The following AMMECR1 variants were observed in gnomAD, a reference collection of about 807,000 sequenced individuals.
The protein encoded by AMMECR1 is nuclear protein AMMECR1.
Under a neutral mutation model 22.5 loss-of-function variants are expected in AMMECR1, and 3 were observed. The observed-to-expected ratio is 0.13, with a 90% CI of 0.06 to 0.35. The LOEUF (loss-of-function observed/expected upper bound fraction) is 0.35, where lower values mean the gene tolerates loss of function less well. Among genes scored for constraint, AMMECR1 ranks in the 10% least tolerant of loss-of-function variants. The probability of loss-of-function intolerance (pLI) is 1.00; values close to 1 mark genes in which losing one functional copy is unlikely to be tolerated. For synonymous variants in AMMECR1, 130 were observed against 116.7 expected (o/e 1.11, Z -0.74); for missense variants, 235 against 278.7 (o/e 0.84, Z 1.12).
chrX:110,412,009 A>C (rs2148310216), intron 2 of AMMECR1, among the ~76,000 whole-genome samples: 1 of 113,155 alleles, frequency 8.8e-6, no homozygotes, highest in African/African-American at 3.2e-5. Context: ...CTCAAAGAAT[A>C]ATGAACAGGC....
intron 2 of AMMECR1, among the ~76,000 whole-genome samples, chrX:110,368,847 G>C (rs1430900926): frequency 9.0e-6 from 1 of 111,344 alleles, no homozygotes; most frequent in Non-Finnish European, 1.9e-5. Flanking sequence ...AAGTGCAATA[G>C]GAATTCCAAG....
intron 2 of AMMECR1, among the ~76,000 whole-genome samples, chrX:110,338,477 G>A (rs1311766198): frequency 8.9e-6 from 1 of 111,998 alleles, no homozygotes; most frequent in Non-Finnish European, 1.9e-5. Flanking sequence ...TAACACAAAG[G>A]TGAAGCTCAG....
intron 2 of AMMECR1, among the ~76,000 whole-genome samples, chrX:110,235,179 C>T (rs1479762138): frequency 8.9e-6 from 1 of 112,123 alleles, no homozygotes; most frequent in Non-Finnish European, 1.9e-5. Flanking sequence ...AGGATATGAA[C>T]AGACACTTCT....
At chrX:110,388,216 C>T (rs1376918066) in intron 2 of AMMECR1, among the ~76,000 whole-genome samples, 3 of 111,533 alleles carry the variant, frequency 2.7e-5, no homozygotes, top group African/African-American at 9.8e-5. Flanking sequence ...TGCAAAGGGG[C>T]CCACATCAAG....
rs192273628 is a variant in AMMECR1, at chrX:110,375,926, C to T, written c.-148+50732G>A. Among the ~76,000 whole-genome samples, 496 of 111,371 alleles carry T rather than the reference C, an allele frequency of 4.5e-3. 3 individuals carry two copies. The highest frequency in any genetic ancestry group is 0.016 in the African/African-American group (484 of 30,654). On this transcript the variant is annotated intron_variant, in intron 2 of 7. Coordinates refer to the AMMECR1 transcript ENST00000372057. ...CTTATGGTAGGGCTAATATTGATGT[C>T]AGTTATAGTTAGCATTCATTGACTA...
chrX:110,294,594 T>C (rs2067925607), intron 1 of AMMECR1, among the ~76,000 whole-genome samples: 2 of 111,875 alleles, frequency 1.8e-5, no homozygotes, highest in Non-Finnish European at 3.8e-5. Context: ...TTGAGAGCTT[T>C]TATTCATTTG....
chrX:110,303,587 T>C lies in AMMECR1; in HGVS notation c.473+14012A>G, dbSNP rs188145837. 3.7e-3 allele frequency among the ~76,000 whole-genome samples: 413 copies of C among 112,269 alleles called. 2 individuals carry two copies. Among genetic ancestry groups the C allele is most frequent in the African/African-American group, 0.013 (398 of 30,868 alleles). On this transcript the variant is annotated intron_variant, in intron 1 of 5. Transcript: ENST00000262844. ...CCCATTATGTGGCAGGAGTCTATGATTATTACATAGGGTCAACATCTACCT... is the reference window on the plus strand; with the variant it reads ...CCCATTATGTGGCAGGAGTCTATGACTATTACATAGGGTCAACATCTACCT...
chrX:110,350,083 A>G (rs969375417), intron 2 of AMMECR1, among the ~76,000 whole-genome samples: 4 of 112,538 alleles, frequency 3.6e-5, no homozygotes, highest in Admixed American at 2.8e-4. Context: ...AATTCTCAGT[A>G]GGCTATCTTT....
intron 1 of AMMECR1, among the ~76,000 whole-genome samples, chrX:110,308,813 A>C (rs1182846403): frequency 9.0e-6 from 1 of 111,208 alleles, no homozygotes; most frequent in Non-Finnish European, 1.9e-5. Context: ...AAACTCATGA[A>C]TTGTGTTGAG....
At chrX:110,327,028 A>T (rs1238847444) in intron 2 of AMMECR1, among the ~76,000 whole-genome samples, 1 of 112,189 alleles carries the variant, frequency 8.9e-6, no homozygotes, top group Non-Finnish European at 1.9e-5. Flanking sequence ...ACATATTGGC[A>T]TGGAAAAGAT....
intron 2 of AMMECR1, among the ~76,000 whole-genome samples, chrX:110,350,315 CA>C (rs897961572): frequency 8.1e-5 from 9 of 111,524 alleles, no homozygotes; most frequent in Non-Finnish European, 1.1e-4. Context: ...TGATAAAAAG[CA>C]CCTATAGAGA....
intron 2 of AMMECR1, among the ~76,000 whole-genome samples, chrX:110,356,637 C>T (rs2068231785): frequency 9.0e-6 from 1 of 111,173 alleles, no homozygotes; most frequent in South Asian, 3.8e-4. Context: ...ATAATATACA[C>T]ATAGATCAAA....
chrX:110,357,822 T>C lies in AMMECR1; in HGVS notation c.-147-39973A>G, dbSNP rs762894935. 8.9e-5 allele frequency among the ~76,000 whole-genome samples: 10 copies of C among 111,823 alleles called. No individual in the cohort carries two copies. In the South Asian group the frequency reaches 3.4e-3, roughly 38 times the overall value. Reference sequence around the variant, plus strand: ...CATTGTGTGGGAAGCAGAGTGGTTATACTTGCCCTTCTTGGATTTTTTCTC... The same window carrying C: ...CATTGTGTGGGAAGCAGAGTGGTTACACTTGCCCTTCTTGGATTTTTTCTC... On this transcript the variant is annotated intron_variant, in intron 2 of 7. Coordinates refer to the AMMECR1 transcript ENST00000372057.
chrX:110,340,641 A>G (rs936810649), intron 2 of AMMECR1, among the ~76,000 whole-genome samples: 7 of 112,487 alleles, frequency 6.2e-5, no homozygotes, highest in African/African-American at 2.3e-4. Context: ...GAAGATACCT[A>G]TGTTATAGAT....
chrX:110,384,871 G>T (rs1569419363), intron 2 of AMMECR1, among the ~76,000 whole-genome samples: 1 of 110,785 alleles, frequency 9.0e-6, no homozygotes, highest in African/African-American at 3.3e-5. Flanking sequence ...AATCAGAGTG[G>T]CTATGAATTC....
chrX:110,316,681 A>G (rs749443906), intron 1 of AMMECR1, among the ~76,000 whole-genome samples: 13 of 111,424 alleles, frequency 1.2e-4, no homozygotes, highest in African/African-American at 4.2e-4. Context: ...AAATTTTTCA[A>G]CCACACACTT....
intron 2 of AMMECR1, among the ~76,000 whole-genome samples, chrX:110,218,168 C>T (rs746628253): frequency 6.3e-5 from 7 of 110,842 alleles, no homozygotes; most frequent in Admixed American, 2.9e-4. Flanking sequence ...AAGATAAAGA[C>T]GTGTGTGTGT....
chrX:110,385,220 C>A (rs1294890763), intron 2 of AMMECR1, among the ~76,000 whole-genome samples: 1 of 111,436 alleles, frequency 9.0e-6, no homozygotes, highest in Non-Finnish European at 1.9e-5. Flanking sequence ...AAAGTACTTA[C>A]CTACCTCTTA....
chrX:110,199,027 G>T (rs1237129921), intron 5 of AMMECR1, among the ~76,000 whole-genome samples: 1 of 111,547 alleles, frequency 9.0e-6, no homozygotes, highest in African/African-American at 3.3e-5. Context: ...TTACCATTAA[G>T]TAACAACAAC....
Sources: gnomAD v4.1 joint callset for allele counts (sites outside exome capture counted in the v4.1 genomes callset) on GRCh38, gnomAD v4.1.1 for gene constraint, MANE v1.5 for transcripts, NCBI Gene and HGNC (gene_info 2026-07-23, HGNC 2026-07-21) for gene names.